The following ANGPT1 variants were observed in gnomAD, a reference collection of about 807,000 sequenced individuals.
ANGPT1 encodes the protein angiopoietin 1.
In ANGPT1, 17 loss-of-function variants were observed where a neutral mutation model predicts 62.2. The observed-to-expected ratio is 0.27, with a 90% CI of 0.19 to 0.41. The LOEUF is 0.41. ANGPT1 is among the 10% of genes least tolerant of loss of function. The pLI, the probability that ANGPT1 is intolerant of heterozygous loss-of-function variation, is 1.00. For missense variants in ANGPT1, 478 were observed against 594.9 expected, an observed-to-expected ratio of 0.80 and a Z score of 2.04; for synonymous variants, 199 against 198.9, an observed-to-expected ratio of 1.00 and a Z score of 0.00.
intron 8 of ANGPT1, among the ~76,000 whole-genome samples, chr8:107,257,159 C>G (rs1191191316): frequency 2.6e-5 from 4 of 152,184 alleles, no homozygotes; most frequent in Non-Finnish European, 4.4e-5. Context: ...CGCGCTCAGC[C>G]TCAAATGTCT....
chr8:107,399,955 C>A (rs912647879), intron 1 of ANGPT1, among the ~76,000 whole-genome samples: 1 of 152,094 alleles, frequency 6.6e-6, no homozygotes, highest in Non-Finnish European at 1.5e-5. Context: ...TAAATTAGAG[C>A]GCTAGGTTTC....
At chr8:107,482,894 G>A (rs1157775324) in intron 1 of ANGPT1, among the ~76,000 whole-genome samples, 3 of 151,942 alleles carry the variant, frequency 2.0e-5, no homozygotes, top group Non-Finnish European at 2.9e-5. Flanking sequence ...TCACCACTTC[G>A]CCATTGATTT....
At chr8:107,318,062 CA>C (rs1815061680) in intron 4 of ANGPT1, among the ~76,000 whole-genome samples, 1 of 152,028 alleles carries the variant, frequency 6.6e-6, no homozygotes, top group Admixed American at 6.5e-5. Flanking sequence ...TTTGAATTGC[CA>C]AAAACATGAA....
At chr8:107,295,190 A>G (rs577959117) in intron 5 of ANGPT1, 4 of 152,128 alleles carry the variant, frequency 2.6e-5, no homozygotes, top group African/African-American at 9.7e-5. Flanking sequence ...GGGCATATGA[A>G]ATAGGACAAC....
chr8:107,364,856 A>C (rs974972549), intron 1 of ANGPT1, among the ~76,000 whole-genome samples: 3 of 152,242 alleles, frequency 2.0e-5, no homozygotes, highest in African/African-American at 7.2e-5. Context: ...GTGCTAGGCC[A>C]GCAATTAATA....
At chr8:107,390,799 T>G (rs1304597022) in intron 1 of ANGPT1, among the ~76,000 whole-genome samples, 1 of 152,028 alleles carries the variant, frequency 6.6e-6, no homozygotes, top group Non-Finnish European at 1.5e-5. Flanking sequence ...AGGAACTGAG[T>G]CACAGAAAGA....
intron 1 of ANGPT1, among the ~76,000 whole-genome samples, chr8:107,455,172 A>C (rs761687669): frequency 1.3e-5 from 2 of 152,082 alleles, no homozygotes; most frequent in Non-Finnish European, 2.9e-5. Flanking sequence ...TTTTTGGTTC[A>C]AAATAAGTTC....
At chr8:107,259,647 G>A (rs1212594334) in intron 8 of ANGPT1, among the ~76,000 whole-genome samples, 2 of 152,088 alleles carry the variant, frequency 1.3e-5, no homozygotes, top group African/African-American at 4.8e-5. Flanking sequence ...AGTAAGGAAT[G>A]TAAAACGGTA....
Position 107,260,352 on chromosome 8 carries a change from G to A in ANGPT1, c.1336+3869C>T, listed in dbSNP as rs535434948. Among the ~76,000 whole-genome samples the A allele has an allele frequency of 4.8e-4, 73 of 152,074 alleles. 1 individual carries two copies. The highest frequency in any genetic ancestry group is 7.5e-4 in the Non-Finnish European group (51 of 67,942). ...AAAGGAAAAATATATAAATAAACAA[G>A]ATAAAACAAAGCTTTAATTGATGAT... On this transcript the variant is annotated intron_variant, in intron 8 of 8. Coordinates refer to ENST00000517746, the MANE Select transcript of ANGPT1 (RefSeq NM_001146.5).
At chr8:107,360,382 C>G (rs1313492157) in intron 1 of ANGPT1, among the ~76,000 whole-genome samples, 1 of 152,132 alleles carries the variant, frequency 6.6e-6, no homozygotes, top group Non-Finnish European at 1.5e-5. Flanking sequence ...AGTTCAGTAA[C>G]ATGATCAGGA....
chr8:107,497,757 T>C lies in ANGPT1; in HGVS notation c.-199A>G. Reference sequence around the variant, plus strand: ...AAAATTTTAAAATTTTTTATTTCACTGCAATGATGTTTTTCTTCGTTAAAA... The same window carrying C: ...AAAATTTTAAAATTTTTTATTTCACCGCAATGATGTTTTTCTTCGTTAAAA... On this transcript the variant is annotated 5_prime_UTR_variant, in exon 1 of 9. Coordinates refer to ENST00000517746, the MANE Select transcript of ANGPT1 (RefSeq NM_001146.5). 1 of 608,088 alleles carries C rather than the reference T, an allele frequency of 1.6e-6. No homozygotes were observed. The allele number at this position is 608,088 out of a possible 1,614,324, so 37.7% of individuals were successfully genotyped here. A position where few individuals can be genotyped will look rare whatever the true frequency, so the allele number is the denominator to read the frequency against.
chr8:107,392,827 A>G (rs1255950935), intron 1 of ANGPT1, among the ~76,000 whole-genome samples: 1 of 152,156 alleles, frequency 6.6e-6, no homozygotes, highest in East Asian at 1.9e-4. Flanking sequence ...GTTTTTGCCA[A>G]ACTGTTCACT....
At chr8:107,411,540 G>T (rs1407709820) in intron 1 of ANGPT1, among the ~76,000 whole-genome samples, 1 of 152,138 alleles carries the variant, frequency 6.6e-6, no homozygotes, top group Admixed American at 6.6e-5. Flanking sequence ...TTTGAATGCA[G>T]ATATGCAGAT....
chr8:107,321,957 C>T lies in ANGPT1; in HGVS notation c.747G>A (p.Lys249=), dbSNP rs138528651. ...CTGTGTCCATCAGCTCCAGTTGCTGCTTCTGAAGGACACTGTTGTTGGTGG... is the reference window on the plus strand; with the variant it reads ...CTGTGTCCATCAGCTCCAGTTGCTGTTTCTGAAGGACACTGTTGTTGGTGG... ...RATTNNSVLQ[K]QQLELMDTVH... Residue 249 remains lysine (K), a synonymous_variant, in exon 4 of 9, where the codon AAG becomes AAA. Transcript: ENST00000517746. 5.8e-5 allele frequency: 93 copies of T among 1,613,982 alleles called. No homozygotes were observed. The Admixed American group carries it at 7.0e-4, about 12-fold the overall frequency.
chr8:107,414,939 G>A (rs76798394), intron 1 of ANGPT1, among the ~76,000 whole-genome samples: 1 of 152,128 alleles, frequency 6.6e-6, no homozygotes, highest in Non-Finnish European at 1.5e-5. Context: ...TACAATATTA[G>A]TATTAAAAAA....
At chr8:107,320,299 T>C (rs989986563) in intron 4 of ANGPT1, among the ~76,000 whole-genome samples, 2 of 152,108 alleles carry the variant, frequency 1.3e-5, no homozygotes, top group African/African-American at 2.4e-5. Flanking sequence ...ATTAGGCAAA[T>C]ACTCAGAAAA....
At chr8:107,374,673 T>A (rs1213959810) in intron 1 of ANGPT1, among the ~76,000 whole-genome samples, 1 of 152,234 alleles carries the variant, frequency 6.6e-6, no homozygotes, top group African/African-American at 2.4e-5. Context: ...AAAAGCAGTC[T>A]GTCTCTCTTA....
At chr8:107,347,977 G>T (rs148205048) in intron 1 of ANGPT1, among the ~76,000 whole-genome samples, 1 of 152,144 alleles carries the variant, frequency 6.6e-6, no homozygotes, top group Non-Finnish European at 1.5e-5. Flanking sequence ...CATATGCATT[G>T]TTTGAAAAAT....
chr8:107,252,462 C>G (rs1214765077), intron 8 of ANGPT1, among the ~76,000 whole-genome samples: 1 of 152,158 alleles, frequency 6.6e-6, no homozygotes, highest in Non-Finnish European at 1.5e-5. Flanking sequence ...AGACAAGCAA[C>G]TGAGATCTAA....
Sources: allele counts gnomAD v4.1 joint callset (sites outside exome capture counted in the v4.1 genomes callset), GRCh38; gene constraint gnomAD v4.1.1; transcripts MANE v1.5; gene names NCBI Gene and HGNC (gene_info 2026-07-23, HGNC 2026-07-21).